Variants in UBE3D observed in about 807,000 individuals in gnomAD.
UBE3D encodes ubiquitin protein ligase E3D, also known as E3 ubiquitin-protein ligase E3D.
A neutral mutation model predicts 49.6 loss-of-function variants in UBE3D; 48 were observed. The observed-to-expected ratio is 0.97, with a 90% CI of 0.77 to 1.23. The LOEUF (loss-of-function observed/expected upper bound fraction) is 1.23. UBE3D is among the 50% of genes most tolerant of loss of function. UBE3D has a pLI of 0.00. For missense variants in UBE3D, 452 were observed against 468.4 expected, an observed-to-expected ratio of 0.96 and a Z score of 0.32; for synonymous variants, 189 against 174.2, an observed-to-expected ratio of 1.08 and a Z score of -0.67.
In UBE3D at chr6:83,026,432, C is replaced by T. The variant is rs962209399; in HGVS notation, c.668-2394G>A. 2.6e-5 allele frequency among the ~76,000 whole-genome samples: 4 copies of T among 152,068 alleles called. No homozygotes were observed. The South Asian group carries it at 8.3e-4, about 32-fold the overall frequency. On this transcript the variant is annotated intron_variant, in intron 5 of 9. Coordinates refer to ENST00000369747, the MANE Select transcript of UBE3D (RefSeq NM_198920.3). Reference sequence around the variant, plus strand: ...TCCAGCCTGAGAGACAGAGTAAGATCCCATCTCTTAAAAAATAAAATAAAA... The same window carrying T: ...TCCAGCCTGAGAGACAGAGTAAGATTCCATCTCTTAAAAAATAAAATAAAA...
At chr6:82,959,655 C>A (rs866679169) in intron 8 of UBE3D, among the ~76,000 whole-genome samples, 1 of 128,814 alleles carries the variant, frequency 7.8e-6, no homozygotes, top group African/African-American at 3.0e-5. Flanking sequence ...ACCAAGTGAT[C>A]TTAAGAATTG....
chr6:82,965,938 T>C (rs1166830864), intron 8 of UBE3D, among the ~76,000 whole-genome samples: 1 of 152,162 alleles, frequency 6.6e-6, no homozygotes. Context: ...GAGGAAATAA[T>C]TCAGTATGTA....
At chr6:83,033,631 T>C (rs1411965034) in intron 5 of UBE3D, among the ~76,000 whole-genome samples, 1 of 152,200 alleles carries the variant, frequency 6.6e-6, no homozygotes, top group South Asian at 2.1e-4. Context: ...GCTTCCACTA[T>C]GTGAGATGCC....
intron 5 of UBE3D, among the ~76,000 whole-genome samples, chr6:83,033,711 T>C (rs1160533683): frequency 1.3e-5 from 2 of 152,256 alleles, no homozygotes; most frequent in Non-Finnish European, 2.9e-5. Context: ...GCTGCTATGC[T>C]TCCTGTATAG....
intron 8 of UBE3D, among the ~76,000 whole-genome samples, chr6:82,968,432 G>A (rs1018630613): frequency 8.1e-5 from 12 of 147,546 alleles, no homozygotes; most frequent in African/African-American, 3.0e-4. Flanking sequence ...AACACATCAA[G>A]GTGTGTATGT....
chr6:82,946,828 G>A (rs1775439425), intron 9 of UBE3D, among the ~76,000 whole-genome samples: 1 of 151,824 alleles, frequency 6.6e-6, no homozygotes. Context: ...TATGCAAGCA[G>A]GGTTTAGTTG....
chr6:83,060,359 A>G (rs981850133), intron 1 of UBE3D, among the ~76,000 whole-genome samples: 1 of 152,354 alleles, frequency 6.6e-6, no homozygotes, highest in South Asian at 2.1e-4. Context: ...AAAAAGAGAA[A>G]GCGAGGAAAC....
chr6:82,906,656 T>C (rs1411638599), intron 9 of UBE3D, among the ~76,000 whole-genome samples: 2 of 152,218 alleles, frequency 1.3e-5, no homozygotes, highest in Admixed American at 6.5e-5. Context: ...ATTGCCTTAC[T>C]GCTTACAAAG....
chr6:82,934,947 T>TATATATATGTATATATAC (rs142694089), intron 9 of UBE3D, among the ~76,000 whole-genome samples: 1 of 126,640 alleles, frequency 7.9e-6, no homozygotes, highest in Admixed American at 8.8e-5. Flanking sequence ...TATGTATATA[T>TATATATATGTATATATAC]GTATATATAT....
intron 5 of UBE3D, among the ~76,000 whole-genome samples, chr6:83,025,945 A>G (rs1021882992): frequency 6.6e-6 from 1 of 151,720 alleles, no homozygotes; most frequent in South Asian, 2.1e-4. Flanking sequence ...AATTAAACAT[A>G]TAAGAATTTA....
intron 1 of UBE3D, among the ~76,000 whole-genome samples, chr6:83,059,389 A>G (rs1259100340): frequency 6.6e-6 from 1 of 152,178 alleles, no homozygotes; most frequent in African/African-American, 2.4e-5. Context: ...GTCTAAAAGA[A>G]AAAAAGATAC....
At chr6:82,893,277 A>G (rs996486815) in intron 9 of UBE3D, among the ~76,000 whole-genome samples, 1 of 152,172 alleles carries the variant, frequency 6.6e-6, no homozygotes, top group Non-Finnish European at 1.5e-5. Flanking sequence ...AAGGAGAAAA[A>G]TAGAGTTTTA....
intron 8 of UBE3D, among the ~76,000 whole-genome samples, chr6:83,002,680 G>C (rs146140515): frequency 6.6e-6 from 1 of 152,198 alleles, no homozygotes; most frequent in Non-Finnish European, 1.5e-5. Flanking sequence ...GTGAGACTCC[G>C]TCACAAACAA....
intron 8 of UBE3D, among the ~76,000 whole-genome samples, chr6:83,011,547 T>C (rs1219477160): frequency 6.6e-6 from 1 of 152,182 alleles, no homozygotes; most frequent in Admixed American, 6.5e-5. Context: ...ATCTCCTGTA[T>C]TTCATGCATA....
At chr6:82,992,680 T>C (rs1778976055) in intron 8 of UBE3D, among the ~76,000 whole-genome samples, 1 of 152,174 alleles carries the variant, frequency 6.6e-6, no homozygotes, top group Non-Finnish European at 1.5e-5. Flanking sequence ...TCCCTGGCTG[T>C]GTGTGTATAC....
At chr6:83,031,385 C>T (rs147242015) in intron 5 of UBE3D, among the ~76,000 whole-genome samples, 3 of 152,194 alleles carry the variant, frequency 2.0e-5, no homozygotes, top group Middle Eastern at 3.4e-3. Flanking sequence ...TGTAGCTGGA[C>T]GATTAGGTAG....
chr6:82,939,327 G>T (rs530456519), intron 9 of UBE3D, among the ~76,000 whole-genome samples: 4 of 152,282 alleles, frequency 2.6e-5, no homozygotes, highest in Admixed American at 2.6e-4. Context: ...TTTTTAGTTT[G>T]CTAAAAGTAA....
intron 7 of UBE3D, among the ~76,000 whole-genome samples, chr6:83,020,020 T>C (rs1177675315): frequency 6.6e-6 from 1 of 152,214 alleles, no homozygotes; most frequent in African/African-American, 2.4e-5. Context: ...TGGGAATGGG[T>C]GCATCAACCC....
At chr6:83,025,244 G>C (rs1781371639) in intron 5 of UBE3D, among the ~76,000 whole-genome samples, 2 of 151,982 alleles carry the variant, frequency 1.3e-5, no homozygotes, top group African/African-American at 4.8e-5. Context: ...CCTCACATTA[G>C]AATCTACCCA....
Sources: allele counts gnomAD v4.1 joint callset (sites outside exome capture counted in the v4.1 genomes callset), GRCh38; gene constraint gnomAD v4.1.1; transcripts MANE v1.5; gene names NCBI Gene and HGNC (gene_info 2026-07-23, HGNC 2026-07-21).